Variants in FER1L6 observed in about 807,000 individuals in gnomAD.
The protein encoded by FER1L6 is fer-1-like protein 6.
Under a neutral mutation model 219.2 loss-of-function variants are expected in FER1L6, and 177 were observed. That is an observed-to-expected ratio of 0.81 (90% CI 0.71 to 0.91). FER1L6 has a LOEUF of 0.91. Ranked by LOEUF, FER1L6 falls within the 40% of genes least tolerant of loss-of-function variation. FER1L6 has a pLI of 0.00. For missense variants in FER1L6, 2,153 were observed against 2,259.9 expected (o/e 0.95, Z 0.96); for synonymous variants, 768 against 824.3 (o/e 0.93, Z 1.17).
chr8:124,031,267 A>G (rs1426546131), intron 18 of FER1L6, among the ~76,000 whole-genome samples: 5 of 152,246 alleles, frequency 3.3e-5, no homozygotes, highest in African/African-American at 1.2e-4. Flanking sequence ...TATATTAAAT[A>G]TACACATTAA....
intron 1 of FER1L6, among the ~76,000 whole-genome samples, chr8:123,913,849 A>G (rs1177874685): frequency 1.3e-5 from 2 of 152,156 alleles, no homozygotes; most frequent in African/African-American, 4.8e-5. Context: ...GAAAAAAAAA[A>G]AACTAAAATA....
At chr8:124,091,248 C>A (rs191477753) in intron 33 of FER1L6, among the ~76,000 whole-genome samples, 175 bp from the exon 34 acceptor site, 1 of 152,328 alleles carries the variant, frequency 6.6e-6, no homozygotes, top group Admixed American at 6.5e-5. Flanking sequence ...TTCTGTTAAG[C>A]TACTCAGAAG....
At chr8:123,998,677 C>G (rs976770960) in intron 12 of FER1L6, among the ~76,000 whole-genome samples, 3 of 152,086 alleles carry the variant, frequency 2.0e-5, no homozygotes, top group Non-Finnish European at 2.9e-5. Context: ...CAGATGGGTC[C>G]AGAGATGTCA....
chr8:124,065,388 G>T (rs771408514), intron 26 of FER1L6, among the ~76,000 whole-genome samples: 1 of 128,338 alleles, frequency 7.8e-6, no homozygotes, highest in Non-Finnish European at 1.6e-5. Context: ...GCAACAGAGC[G>T]AGCCTCCATC....
intron 22 of FER1L6, among the ~76,000 whole-genome samples, chr8:124,050,108 G>A (rs1032089442): frequency 3.9e-5 from 6 of 152,130 alleles, no homozygotes; most frequent in Non-Finnish European, 7.3e-5. Flanking sequence ...CCATGTGTCC[G>A]GTGTGGTGAT....
At chr8:124,116,449 G>T (rs944436170) in intron 39 of FER1L6, among the ~76,000 whole-genome samples, 1 of 151,322 alleles carries the variant, frequency 6.6e-6, no homozygotes, top group Non-Finnish European at 1.5e-5. Flanking sequence ...GCCAAAAAGG[G>T]CATGCATGAA....
chr8:123,865,032 G>A (rs4406669), intron 1 of FER1L6, among the ~76,000 whole-genome samples: 7 of 151,180 alleles, frequency 4.6e-5, no homozygotes, highest in African/African-American at 7.4e-5. Context: ...GAGGAGCTGC[G>A]TTCCTTTGGA....
intron 39 of FER1L6, among the ~76,000 whole-genome samples, chr8:124,117,249 G>T (rs77133345): frequency 6.6e-6 from 1 of 152,142 alleles, no homozygotes; most frequent in East Asian, 1.9e-4. Flanking sequence ...ACATAAGGGA[G>T]ACCTACCTTG....
At chr8:123,908,129 A>T (rs1812986590) in intron 1 of FER1L6, among the ~76,000 whole-genome samples, 1 of 152,216 alleles carries the variant, frequency 6.6e-6, no homozygotes, top group African/African-American at 2.4e-5. Context: ...AAGAGATGTC[A>T]AAACCCAAAA....
At chr8:123,995,058 T>C (rs1297086795) in intron 12 of FER1L6, among the ~76,000 whole-genome samples, 1 of 152,232 alleles carries the variant, frequency 6.6e-6, no homozygotes, top group Non-Finnish European at 1.5e-5. Context: ...ATATTCTGCC[T>C]GGCTCACAGT....
At position 123,986,053 on chromosome 8, in the gene FER1L6, G is replaced by A; in HGVS notation, c.1411-15G>A. ...AAAGCCAGTTCTGCCTAATAATTTT[G>A]TTTTCTTTCTGTAGATTGTACCAGA... On this transcript the variant is annotated splice_polypyrimidine_tract_variant and intron_variant, in intron 11 of 40. Coordinates refer to ENST00000522917, the MANE Select transcript of FER1L6 (RefSeq NM_001039112.2). 1 of 1,486,528 alleles carries A rather than the reference G, an allele frequency of 6.7e-7. No individual in the cohort carries two copies. The highest frequency in any genetic ancestry group is 1.7e-4 in the Middle Eastern group (1 of 5,820). 92.1% of individuals were successfully genotyped at this position (1,486,528 alleles called of 1,614,324 possible).
At chr8:123,939,597 T>C (rs958726603) in intron 1 of FER1L6, among the ~76,000 whole-genome samples, 5 of 152,196 alleles carry the variant, frequency 3.3e-5, no homozygotes, top group African/African-American at 2.4e-5. Context: ...CTGCAGGTCG[T>C]TGGGGAGTCT....
chr8:124,085,677 GAGA>G (rs1182027457), intron 33 of FER1L6, among the ~76,000 whole-genome samples: 10 of 152,164 alleles, frequency 6.6e-5, no homozygotes, highest in African/African-American at 2.2e-4. Context: ...ATGTGCTAAG[GAGA>G]AGAATGTGTA....
Position 124,101,348 on chromosome 8 carries a change from T to C in FER1L6, c.5125+10T>C, listed in dbSNP as rs1822542083. ...TCAGATGACTTCCTGGGTAAGCCAG[T>C]GGCTTCATCAAGCACATATTAATGT... On this transcript the variant is annotated intron_variant, in intron 38 of 40. Coordinates refer to ENST00000522917, the MANE Select transcript of FER1L6 (RefSeq NM_001039112.2). 1 of 1,610,066 alleles carries C rather than the reference T, an allele frequency of 6.2e-7. No individual in the cohort carries two copies. The highest frequency in any genetic ancestry group is 2.2e-5 in the East Asian group (1 of 44,760).
intron 1 of FER1L6, among the ~76,000 whole-genome samples, chr8:123,953,383 G>A (rs1814860424): frequency 1.3e-5 from 2 of 152,192 alleles, no homozygotes; most frequent in South Asian, 4.1e-4. Context: ...CACTGGGTCT[G>A]CCGTAGAGTA....
intron 13 of FER1L6, among the ~76,000 whole-genome samples, chr8:124,007,926 A>T (rs1262418155): frequency 1.3e-5 from 2 of 152,136 alleles, no homozygotes; most frequent in Non-Finnish European, 2.9e-5. Context: ...ATGCACTTAC[A>T]TCTGTTATCT....
chr8:124,020,286 C>T (rs1818402863), intron 16 of FER1L6, among the ~76,000 whole-genome samples: 1 of 152,140 alleles, frequency 6.6e-6, no homozygotes, highest in Admixed American at 6.5e-5. Flanking sequence ...TTATAAATTA[C>T]CCAGTCTTGG....
chr8:123,928,971 GTAT>G (rs1320583932), intron 1 of FER1L6, among the ~76,000 whole-genome samples: 1 of 152,134 alleles, frequency 6.6e-6, no homozygotes, highest in East Asian at 1.9e-4. Flanking sequence ...AGTGAAATAG[GTAT>G]TATTATGAGC....
chr8:124,084,632 A>T (rs1225409328), intron 33 of FER1L6, among the ~76,000 whole-genome samples: 3 of 152,126 alleles, frequency 2.0e-5, no homozygotes, highest in Admixed American at 2.0e-4. Context: ...ATGATGAATG[A>T]TCATTTTAAC....
Sources: allele counts gnomAD v4.1 joint callset (sites outside exome capture counted in the v4.1 genomes callset), GRCh38; gene constraint gnomAD v4.1.1; transcripts MANE v1.5; gene names NCBI Gene and HGNC (gene_info 2026-07-23, HGNC 2026-07-21).